Variants in BDH1 observed in about 807,000 individuals in gnomAD.
The protein encoded by BDH1 is D-beta-hydroxybutyrate dehydrogenase, mitochondrial.
In BDH1, 30 loss-of-function variants were observed where a neutral mutation model predicts 33.1. The ratio of observed to expected loss-of-function variants is 0.91; its 90% CI spans 0.68 to 1.23. The LOEUF is 1.23. BDH1 is among the 50% of genes most tolerant of loss of function. BDH1 has a pLI of 0.00. For missense variants in BDH1, 443 were observed against 464.4 expected (o/e 0.95, Z 0.42); for synonymous variants, 190 against 183.6 (o/e 1.03, Z -0.28).
At chr3:197,533,466 C>G (rs753845778) in intron 4 of BDH1, 23 bp downstream of exon 4, 13 of 1,612,846 alleles carry the variant, frequency 8.1e-6, no homozygotes, top group Non-Finnish European at 8.5e-6. Context: ...AACTGGCTCC[C>G]GGGTAGCTGG....
At chr3:197,553,355 C>G (rs2108766307) in intron 2 of BDH1, among the ~76,000 whole-genome samples, 1 of 150,230 alleles carries the variant, frequency 6.7e-6, no homozygotes, top group East Asian at 2.0e-4. Context: ...ATGGTGAAAC[C>G]CCGTCTCTAC....
At chr3:197,539,588 C>T (rs1715428630) in intron 3 of BDH1, among the ~76,000 whole-genome samples, 1 of 152,234 alleles carries the variant, frequency 6.6e-6, no homozygotes, top group Non-Finnish European at 1.5e-5. Flanking sequence ...CAGCTAGAGG[C>T]TACAAGATTC....
At chr3:197,569,547 G>C (rs1475564173) in intron 1 of BDH1, among the ~76,000 whole-genome samples, 1 of 152,178 alleles carries the variant, frequency 6.6e-6, no homozygotes, top group Non-Finnish European at 1.5e-5. Flanking sequence ...GGGGAAAATT[G>C]AATCATGAGG....
chr3:197,545,613 T>C (rs969724315), intron 3 of BDH1, among the ~76,000 whole-genome samples: 1 of 152,254 alleles, frequency 6.6e-6, no homozygotes. Flanking sequence ...GATTCGATCC[T>C]GGACCAGAAA....
At chr3:197,568,684 G>A (rs886789772) in intron 1 of BDH1, among the ~76,000 whole-genome samples, 1 of 151,980 alleles carries the variant, frequency 6.6e-6, no homozygotes, top group South Asian at 2.1e-4. Flanking sequence ...ATGGGTATGG[G>A]TTGTCTGTAA....
Position 197,514,297 on chromosome 3 carries a change from TC to T in BDH1, c.528del (p.Lys177AsnfsTer39), listed in dbSNP as rs1712440297. ...CTTCGGATGAGGGGGAGAAAGGATTTCGTCATCCGCACTGTGCCCCAAAGGT... is the reference window on the plus strand; with the variant it reads ...CTTCGGATGAGGGGGAGAAAGGATTTGTCATCCGCACTGTGCCCCAAAGGT... Reference protein sequence around the residue: ...EVNLWGTVRMTKSFLPLIRRA... With the variant: ...EVNLWGTVRMXKSFLPLIRRA... On this transcript the variant is annotated frameshift_variant, in exon 7 of 8. Coordinates refer to ENST00000392379, the MANE Select transcript of BDH1 (RefSeq NM_203314.3). LOFTEE classifies it high-confidence loss of function. The surrounding 1 kb of genome is among the most constrained non-coding windows in gnomAD (Gnocchi z 4.2). 6.2e-7 allele frequency: 1 copy of T among 1,613,788 alleles called. No individual in the cohort carries two copies. The highest frequency in any genetic ancestry group is 1.7e-5 in the Admixed American group (1 of 59,988).
chr3:197,515,406 C>T, intron 6 of BDH1: 1 of 985,776 alleles, frequency 1.0e-6, no homozygotes, highest in Non-Finnish European at 1.2e-6. Flanking sequence ...ATCCACGACC[C>T]CACAGCTCCC....
chr3:197,531,549 T>C (rs919881747), intron 5 of BDH1, among the ~76,000 whole-genome samples: 1 of 151,450 alleles, frequency 6.6e-6, no homozygotes, highest in African/African-American at 2.4e-5. Context: ...CATGGATGAC[T>C]CTCAAAAACA....
At chr3:197,549,402 T>C (rs1051833332) in intron 2 of BDH1, among the ~76,000 whole-genome samples, 3 of 152,216 alleles carry the variant, frequency 2.0e-5, no homozygotes, top group Non-Finnish European at 4.4e-5. Context: ...GCTCACTGTG[T>C]TCCATTCCAA....
In BDH1 at chr3:197,543,389, C is replaced by T. The variant is rs556230840; in HGVS notation, c.83+2972G>A. ...CTCCACTCTGCCCGGGTCAGGCCACCCTGGGAGCACTATGTGCTGTACCTG... is the reference window on the plus strand; with the variant it reads ...CTCCACTCTGCCCGGGTCAGGCCACTCTGGGAGCACTATGTGCTGTACCTG... On this transcript the variant is annotated intron_variant, in intron 3 of 7. Coordinates refer to ENST00000392379, the MANE Select transcript of BDH1 (RefSeq NM_203314.3). Among the ~76,000 whole-genome samples the T allele has an allele frequency of 8.2e-4, 125 of 152,348 alleles. 1 individual carries two copies. Among genetic ancestry groups the T allele is most frequent in the African/African-American group, 2.9e-3 (120 of 41,594 alleles).
At chr3:197,555,053 G>A (rs1464605173) in intron 1 of BDH1, among the ~76,000 whole-genome samples, 1 of 152,210 alleles carries the variant, frequency 6.6e-6, no homozygotes. Flanking sequence ...TTGTCCTCGC[G>A]CGGGTGCGCC....
rs372544633 is a variant in BDH1 at position 197,521,070 on chromosome 3, G to A, written c.409+1570C>T. ...TGATACAGGCTCAGCAGAGCTCCCC[G>A]CATGGGATCTGGTCACTCCTGCCTT... On this transcript the variant is annotated intron_variant, in intron 6 of 7. Coordinates refer to ENST00000392379, the MANE Select transcript of BDH1 (RefSeq NM_203314.3). This position sits in a 1 kb window ranked among gnomAD's most constrained non-coding sequence, Gnocchi z 4.9. 2.6e-5 allele frequency among the ~76,000 whole-genome samples: 4 copies of A among 152,244 alleles called. No homozygotes were observed. The highest frequency in any genetic ancestry group is 5.9e-5 in the Non-Finnish European group (4 of 68,004).
chr3:197,547,693 C>G (rs1032547349), intron 2 of BDH1, among the ~76,000 whole-genome samples: 2 of 152,266 alleles, frequency 1.3e-5, no homozygotes, highest in Non-Finnish European at 2.9e-5. Context: ...GTGTTTAAAG[C>G]CAACTTTCCA....
intron 2 of BDH1, among the ~76,000 whole-genome samples, chr3:197,550,594 C>T (rs539582110): frequency 2.0e-5 from 3 of 152,326 alleles, no homozygotes; most frequent in African/African-American, 7.2e-5. Context: ...TGAGAGAATG[C>T]GAACCATGCT....
chr3:197,533,468 G>C, intron 4 of BDH1, 21 bp downstream of exon 4: 1 of 1,613,210 alleles, frequency 6.2e-7, no homozygotes, highest in Non-Finnish European at 8.5e-7. Context: ...CTGGCTCCCG[G>C]GTAGCTGGGC....
At chr3:197,565,875 C>G (rs1015710891) in intron 1 of BDH1, among the ~76,000 whole-genome samples, 3 of 152,208 alleles carry the variant, frequency 2.0e-5, no homozygotes, top group Non-Finnish European at 4.4e-5. Flanking sequence ...GAGAAAAAAA[C>G]TTTCAGGACT....
At chr3:197,567,714 G>A (rs755470469) in intron 1 of BDH1, among the ~76,000 whole-genome samples, 11 of 152,106 alleles carry the variant, frequency 7.2e-5, no homozygotes, top group Middle Eastern at 3.2e-3. Context: ...AGATTTTGGG[G>A]GTTCATGGAG....
At chr3:197,556,857 G>A (rs1420443181), upstream of BDH1, among the ~76,000 whole-genome samples, 2 of 152,190 alleles carry the variant, frequency 1.3e-5, no homozygotes, top group Non-Finnish European at 2.9e-5. Context: ...GAAACAGGCT[G>A]AGGAGAGAAG....
chr3:197,550,257 G>A (rs896914538), intron 2 of BDH1, among the ~76,000 whole-genome samples: 85 of 152,244 alleles, frequency 5.6e-4, no homozygotes, highest in African/African-American at 2.0e-3. Flanking sequence ...CACATGGCTC[G>A]TTTCACAGGG....
Sources: allele counts gnomAD v4.1 joint callset (sites outside exome capture counted in the v4.1 genomes callset), GRCh38; gene constraint gnomAD v4.1.1; non-coding constraint Gnocchi (gnomAD v3.1); transcripts MANE v1.5; gene names NCBI Gene and HGNC (gene_info 2026-07-23, HGNC 2026-07-21).